Variants in NEU3 observed in about 807,000 individuals in gnomAD.
NEU3 encodes neuraminidase 3, also known as sialidase-3.
NEU3 carries 10 observed loss-of-function variants against 11.4 expected under a neutral mutation model. The ratio of observed to expected loss-of-function variants is 0.88; its 90% CI spans 0.54 to 1.49. The LOEUF is 1.49. NEU3 is among the 40% of genes most tolerant of loss of function. The pLI, the probability that NEU3 is intolerant of heterozygous loss-of-function variation, is 0.00. For synonymous variants in NEU3, 212 were observed against 228.2 expected, an observed-to-expected ratio of 0.93 and a Z score of 0.64; for missense variants, 529 against 581.8, an observed-to-expected ratio of 0.91 and a Z score of 0.93.
At chr11:74,992,587 TTTTC>T (rs1220249051) in intron 1 of NEU3, among the ~76,000 whole-genome samples, 1 of 152,198 alleles carries the variant, frequency 6.6e-6, no homozygotes, top group African/African-American at 2.4e-5. Flanking sequence ...GAACACCTGG[TTTTC>T]TTTAAGAAGA....
chr11:74,990,930 T>C (rs1948725067), intron 1 of NEU3, among the ~76,000 whole-genome samples: 1 of 152,256 alleles, frequency 6.6e-6, no homozygotes, highest in Admixed American at 6.5e-5. Flanking sequence ...AAAACTAGAA[T>C]ATACAGTAAT....
At chr11:74,985,760 GC>G (rs1948662836), upstream of NEU3, among the ~76,000 whole-genome samples, 1 of 152,224 alleles carries the variant, frequency 6.6e-6, no homozygotes. Flanking sequence ...AGCCCACTTT[GC>G]CCCAACAACA....
At chr11:74,990,523 A>T (rs1565492589) in intron 1 of NEU3, among the ~76,000 whole-genome samples, 1 of 151,616 alleles carries the variant, frequency 6.6e-6, no homozygotes, top group African/African-American at 2.4e-5. Flanking sequence ...TGCCTGGCCA[A>T]TTTTTTTTGT....
chr11:74,987,024 T>C (rs1948671258), upstream of NEU3, among the ~76,000 whole-genome samples: 1 of 152,138 alleles, frequency 6.6e-6, no homozygotes, highest in Non-Finnish European at 1.5e-5. Context: ...AGGTGAGCAA[T>C]AAGGGTGTAG....
chr11:75,009,850 C>G lies in NEU3; in HGVS notation c.*3358C>G, dbSNP rs958887105. On this transcript the variant is annotated 3_prime_UTR_variant, in exon 3 of 3. Transcript: ENST00000294064. ...GGGTGCTTAATTTGACTTGTTTCCC[C>G]TGGTCACCAGTCTCCCCTCCGATAT... 6.6e-6 allele frequency: 1 copy of G among 152,268 alleles called. No homozygotes were observed. The highest frequency in any genetic ancestry group is 2.4e-5 in the African/African-American group (1 of 41,432). 9.4% of individuals were successfully genotyped at this position (152,268 alleles called of 1,614,324 possible).
downstream of NEU3, among the ~76,000 whole-genome samples, chr11:75,020,172 C>G (rs927131042): frequency 6.6e-6 from 1 of 152,116 alleles, no homozygotes; most frequent in African/African-American, 2.4e-5. Flanking sequence ...GACTGTACTC[C>G]CACTGTATCT....
intron 2 of NEU3, among the ~76,000 whole-genome samples, chr11:74,999,582 A>G (rs1470103952): frequency 6.6e-6 from 1 of 152,232 alleles, no homozygotes; most frequent in Admixed American, 6.5e-5. Flanking sequence ...GGCCTTGGAT[A>G]CTTGACTCTT....
upstream of NEU3, among the ~76,000 whole-genome samples, chr11:74,983,773 T>C (rs1948652180): frequency 6.6e-6 from 1 of 152,226 alleles, no homozygotes; most frequent in African/African-American, 2.4e-5. Flanking sequence ...CTCTTCCTCT[T>C]TGTGGGCCAA....
At chr11:74,997,690 CAAAAAAAAAA>C (rs35900546) in intron 2 of NEU3, among the ~76,000 whole-genome samples, 18 of 97,694 alleles carry the variant, frequency 1.8e-4, no homozygotes, top group African/African-American at 6.2e-4. Flanking sequence ...CTAAAAATAC[CAAAAAAAAAA>C]AAAAAAAAAA....
Position 74,992,926 on chromosome 11 carries a change from C to T in NEU3, c.95-1583C>T, listed in dbSNP as rs1019266460. 2.6e-5 allele frequency among the ~76,000 whole-genome samples: 4 copies of T among 152,114 alleles called. No homozygotes were observed. In the East Asian group the frequency reaches 5.8e-4, roughly 22 times the overall value. ...AGTGAGCCGAGCTCACACCATTGCA[C>T]TCAAGCCTGGGCAACAAGAGCAAAA... On this transcript the variant is annotated intron_variant, in intron 1 of 2. Coordinates refer to ENST00000294064, the MANE Select transcript of NEU3 (RefSeq NM_006656.6).
At chr11:75,019,717 G>A (rs977222103), downstream of NEU3, among the ~76,000 whole-genome samples, 5 of 152,206 alleles carry the variant, frequency 3.3e-5, no homozygotes, top group African/African-American at 4.8e-5. Context: ...ACACCTGGAT[G>A]TCCAGGCAGA....
intron 2 of NEU3, among the ~76,000 whole-genome samples, chr11:74,998,230 C>G (rs1174011775): frequency 6.6e-6 from 1 of 152,170 alleles, no homozygotes; most frequent in African/African-American, 2.4e-5. Context: ...CATCAAAGAT[C>G]ACTGATGAAA....
chr11:74,988,765 T>G, upstream of NEU3: 2 of 423,174 alleles, frequency 4.7e-6, no homozygotes, highest in Non-Finnish European at 8.2e-6. Flanking sequence ...AGGGTGGAGG[T>G]GGTGCCGGTC....
intron 2 of NEU3, among the ~76,000 whole-genome samples, chr11:74,996,825 G>T (rs1441698154): frequency 6.6e-6 from 1 of 152,186 alleles, no homozygotes; most frequent in Non-Finnish European, 1.5e-5. Flanking sequence ...TAGTGGCCGT[G>T]AAAACAACAT....
upstream of NEU3, among the ~76,000 whole-genome samples, chr11:74,987,908 T>C (rs1387262335): frequency 2.0e-5 from 3 of 146,690 alleles, no homozygotes; most frequent in Non-Finnish European, 4.5e-5. Context: ...CTTTTTTTTT[T>C]TTTTTTTTTT....
chr11:75,020,361 G>C (rs1452178974), downstream of NEU3, among the ~76,000 whole-genome samples: 2 of 152,078 alleles, frequency 1.3e-5, no homozygotes, highest in Admixed American at 1.3e-4. Flanking sequence ...GTTTGGGAGG[G>C]GCCAGGAGCA....
upstream of NEU3, among the ~76,000 whole-genome samples, chr11:74,984,730 G>A (rs1948655855): frequency 6.6e-6 from 1 of 152,150 alleles, no homozygotes; most frequent in Non-Finnish European, 1.5e-5. Flanking sequence ...ACGGGTGCCA[G>A]GCCTGATCCC....
At chr11:75,000,587 A>G (rs372747375) in intron 2 of NEU3, among the ~76,000 whole-genome samples, 1 of 151,592 alleles carries the variant, frequency 6.6e-6, no homozygotes, top group South Asian at 2.1e-4. Flanking sequence ...GCTGAATAAT[A>G]TATCATTGTA....
upstream of NEU3, among the ~76,000 whole-genome samples, chr11:74,985,823 GT>G (rs1651361319): frequency 6.6e-6 from 1 of 152,182 alleles, no homozygotes. Context: ...CCATTAGAGA[GT>G]ACCCACAGTT....
Sources: allele counts gnomAD v4.1 joint callset (sites outside exome capture counted in the v4.1 genomes callset), GRCh38; gene constraint gnomAD v4.1.1; transcripts MANE v1.5; gene names NCBI Gene and HGNC (gene_info 2026-07-23, HGNC 2026-07-21).